Variants in CCDC141 observed in about 807,000 individuals in gnomAD.
The protein encoded by CCDC141 is coiled-coil domain containing 141, also known as coiled-coil domain-containing protein 141.
A neutral mutation model predicts 181.0 loss-of-function variants in CCDC141; 168 were observed. The ratio of observed to expected loss-of-function variants is 0.93; its 90% CI spans 0.82 to 1.05. The LOEUF (loss-of-function observed/expected upper bound fraction) is 1.05. Ranked by LOEUF, CCDC141 falls within the 50% of genes least tolerant of loss-of-function variation. The pLI is 0.00. For synonymous variants in CCDC141, 666 were observed against 642.3 expected (o/e 1.04, Z -0.56); for missense variants, 1,902 against 1,788.5 (o/e 1.06, Z -1.14).
Position 178,830,935 on chromosome 2 carries a change from G to GA in CCDC141, c.*3237_*3238insT, listed in dbSNP as rs1684223052. On this transcript the variant is annotated 3_prime_UTR_variant, in exon 24 of 24. Coordinates refer to ENST00000443758, the MANE Select transcript of CCDC141 (RefSeq NM_173648.4). ...AATGTCACTTTACTAGGGGTTGGGG[G>GA]TAATAGGAGGGGATCAAACCGAGGC... 1.3e-5 allele frequency: 2 copies of GA among 152,216 alleles called. No homozygotes were observed. Among genetic ancestry groups the GA allele is most frequent in the Non-Finnish European group, 2.9e-5 (2 of 68,070 alleles). The allele number at this position is 152,216 out of a possible 1,614,324, so 9.4% of individuals were successfully genotyped here.
chr2:178,833,197 A>G lies in CCDC141; in HGVS notation c.*976T>C, dbSNP rs1418271036. 6.6e-6 allele frequency: 1 copy of G among 152,216 alleles called. No homozygotes were observed. The highest frequency in any genetic ancestry group is 1.5e-5 in the Non-Finnish European group (1 of 68,034). 9.4% of individuals were successfully genotyped at this position (152,216 alleles called of 1,614,324 possible). ...CTAAAAAAACAGCATCTAAAAAAAA[A>G]GAAATAGTGAGCAGGAGGCCGGTCT... On this transcript the variant is annotated 3_prime_UTR_variant, in exon 24 of 24. Transcript: ENST00000443758.
the CCDC141 span, among the ~76,000 whole-genome samples, chr2:178,820,161 C>A: frequency 6.6e-6 from 1 of 152,198 alleles, no homozygotes; most frequent in Non-Finnish European, 1.5e-5. Context: ...AATGTAGCTG[C>A]TGCTCTGCCC....
chr2:178,921,973 C>T (rs1398678045), intron 6 of CCDC141, among the ~76,000 whole-genome samples: 1 of 152,122 alleles, frequency 6.6e-6, no homozygotes, highest in Non-Finnish European at 1.5e-5. Flanking sequence ...AAAGATTTGG[C>T]ATTGATCAGA....
rs1684516085 is a variant in CCDC141 at position 178,837,210 on chromosome 2, G to A, written c.4009C>T (p.Gln1337Ter). 6.2e-6 allele frequency: 10 copies of A among 1,613,990 alleles called. No homozygotes were observed. Among genetic ancestry groups the A allele is most frequent in the Non-Finnish European group, 8.5e-6 (10 of 1,179,956 alleles). ...VHERALQQHP[Q>*]AQGGLLETRE... is the part of the protein sequence containing the mutation. The stretch of plus-strand genomic sequence containing the variant: ...GTTTCTAGCAAACCACCCTGAGCCT[G>A]AGGGTGCTGCTGTAAAGCTCTCTCA... The change falls in exon 23 of 24, where the codon CAG becomes TAG. Residue 1337 changes from glutamine (Q) to a stop codon, truncating the protein, a stop_gained. Coordinates refer to ENST00000443758, the MANE Select transcript of CCDC141 (RefSeq NM_173648.4). LOFTEE classifies it high-confidence loss of function.
intron 2 of CCDC141, among the ~76,000 whole-genome samples, chr2:178,986,469 C>A (rs188448022): frequency 3.4e-4 from 51 of 152,186 alleles, no homozygotes; most frequent in African/African-American, 1.2e-3. Context: ...CTGGCCAGGG[C>A]AATTAGGCAG....
chr2:178,936,625 T>C (rs1265941685), intron 6 of CCDC141, among the ~76,000 whole-genome samples: 2 of 152,208 alleles, frequency 1.3e-5, no homozygotes, highest in Admixed American at 6.5e-5. Context: ...TTTCTAGGTC[T>C]GTGAAGAATG....
chr2:178,891,817 A>T (rs559241231), intron 8 of CCDC141, among the ~76,000 whole-genome samples: 38 of 152,048 alleles, frequency 2.5e-4, no homozygotes, highest in Non-Finnish European at 4.3e-4. Flanking sequence ...GTAACCTTGG[A>T]GATTCTGTCT....
chr2:178,999,692 G>T (rs182575540), intron 2 of CCDC141, among the ~76,000 whole-genome samples: 1 of 152,068 alleles, frequency 6.6e-6, no homozygotes, highest in East Asian at 1.9e-4. Flanking sequence ...GTGGTTCCCT[G>T]ACACTCCTAT....
chr2:179,033,182 T>C (rs1477031543), intron 2 of CCDC141, among the ~76,000 whole-genome samples: 2 of 151,798 alleles, frequency 1.3e-5, no homozygotes, highest in African/African-American at 4.8e-5. Flanking sequence ...AGTTGGTTCT[T>C]CACATCCACA....
At chr2:178,936,285 A>G (rs1388215401) in intron 6 of CCDC141, among the ~76,000 whole-genome samples, 1 of 152,126 alleles carries the variant, frequency 6.6e-6, no homozygotes, top group African/African-American at 2.4e-5. Context: ...CATATGGTGT[A>G]AGGAAGGGTT....
chr2:178,972,466 A>G (rs1690936343), intron 4 of CCDC141, among the ~76,000 whole-genome samples: 1 of 152,228 alleles, frequency 6.6e-6, no homozygotes, highest in African/African-American at 2.4e-5. Context: ...GAGGTGATGT[A>G]CTGAAGTACC....
intron 2 of CCDC141, among the ~76,000 whole-genome samples, chr2:178,988,077 C>T (rs1368358453): frequency 6.6e-6 from 1 of 151,954 alleles, no homozygotes; most frequent in African/African-American, 2.4e-5. Context: ...CCCAGATGTC[C>T]AACAATGATA....
intron 1 of CCDC141, among the ~76,000 whole-genome samples, chr2:179,048,169 T>G (rs1302267691): frequency 6.6e-6 from 1 of 152,210 alleles, no homozygotes; most frequent in Non-Finnish European, 1.5e-5. Context: ...CTAACACGCA[T>G]ACGCATGTAG....
chr2:178,846,238 C>T (rs914031660), intron 21 of CCDC141, among the ~76,000 whole-genome samples: 2 of 152,094 alleles, frequency 1.3e-5, no homozygotes, highest in Non-Finnish European at 2.9e-5. Context: ...ATTGAGAACA[C>T]AGGATGCTTC....
intron 6 of CCDC141, among the ~76,000 whole-genome samples, chr2:178,938,221 T>C (rs1404768410): frequency 1.3e-5 from 2 of 151,894 alleles, no homozygotes; most frequent in Non-Finnish European, 2.9e-5. Flanking sequence ...ACACTAAATG[T>C]TGGGCATTTA....
At chr2:179,047,206 C>T (rs1448735364) in intron 2 of CCDC141, 78 bp downstream of exon 2, 13 of 1,334,264 alleles carry the variant, frequency 9.7e-6, no homozygotes, top group African/African-American at 1.5e-5. Flanking sequence ...CCAGTAACAG[C>T]AGAGGAATCA....
rs1408432407 is a variant in CCDC141 at position 179,015,072 on chromosome 2, A to ATAT, written c.225+32209_225+32211dup. 5.0e-4 allele frequency among the ~76,000 whole-genome samples: 13 copies of ATAT among 25,842 alleles called. 1 individual carries two copies. The highest frequency in any genetic ancestry group is 1.6e-3 in the African/African-American group (13 of 8,100). 17.0% of individuals were successfully genotyped at this position (25,842 alleles called of 152,430 possible). On this transcript the variant is annotated intron_variant, in intron 2 of 23. Transcript: ENST00000443758. ...TAAACTGTGAGAGAGACAGAGATAT[A>ATAT]TATATATATATATATATATATATAT...
intron 2 of CCDC141, among the ~76,000 whole-genome samples, chr2:179,030,570 T>C (rs1223509152): frequency 2.0e-5 from 3 of 152,128 alleles, no homozygotes; most frequent in Non-Finnish European, 4.4e-5. Context: ...ATTTAATTAC[T>C]GTCTTTTACT....
At chr2:178,824,617 CAAAAAAAAAAAAAA>C in the CCDC141 span, among the ~76,000 whole-genome samples, 1 of 52,292 alleles carries the variant, frequency 1.9e-5, no homozygotes, top group Non-Finnish European at 3.2e-5. Context: ...GAGACTTCGT[CAAAAAAAAAAAAAA>C]AAAAAAAAAA....
Sources: allele counts gnomAD v4.1 joint callset (sites outside exome capture counted in the v4.1 genomes callset), GRCh38; gene constraint gnomAD v4.1.1; transcripts MANE v1.5; gene names NCBI Gene and HGNC (gene_info 2026-07-23, HGNC 2026-07-21).